ACSL1: variants seen among roughly 807,000 people sequenced by gnomAD.
The protein encoded by ACSL1 is acyl-CoA synthetase long chain family member 1, also known as long-chain-fatty-acid--CoA ligase 1.
ACSL1 carries 41 observed loss-of-function variants against 98.4 expected under a neutral mutation model. The observed-to-expected ratio is 0.42, with a 90% CI of 0.32 to 0.54. The LOEUF (loss-of-function observed/expected upper bound fraction) is 0.54, where lower values mean the gene tolerates loss of function less well. Among genes scored for constraint, ACSL1 ranks in the 20% least tolerant of loss-of-function variants. ACSL1 has a pLI of 0.13. For missense variants in ACSL1, 734 were observed against 883.1 expected, an observed-to-expected ratio of 0.83 and a Z score of 2.14; for synonymous variants, 316 against 322.7, an observed-to-expected ratio of 0.98 and a Z score of 0.22.
Position 184,756,467 on chromosome 4 carries a change from T to A in ACSL1, c.*658A>T, listed in dbSNP as rs1762133118. Reference sequence around the variant, plus strand: ...GAGCACCCATTTGCCAGAGGCTCCTTATCTGCATGGTTCTGAGTTGGATCT... The same window carrying A: ...GAGCACCCATTTGCCAGAGGCTCCTAATCTGCATGGTTCTGAGTTGGATCT... On this transcript the variant is annotated 3_prime_UTR_variant, in exon 21 of 21. Transcript: ENST00000281455. 6.6e-6 allele frequency: 1 copy of A among 152,644 alleles called. No homozygotes were observed. The highest frequency in any genetic ancestry group is 2.1e-4 in the South Asian group (1 of 4,826). The allele number at this position is 152,644 out of a possible 1,614,324, so 9.5% of individuals were successfully genotyped here. A position where few individuals can be genotyped will look rare whatever the true frequency, so the allele number is the denominator to read the frequency against.
intron 17 of ACSL1, among the ~76,000 whole-genome samples, chr4:184,761,661 C>A (rs1294068010): frequency 6.6e-6 from 1 of 152,186 alleles, no homozygotes; most frequent in African/African-American, 2.4e-5. Context: ...ACCTAAGAAA[C>A]ACATTTATTC....
chr4:184,811,487 C>T (rs964118863), intron 1 of ACSL1, among the ~76,000 whole-genome samples: 1 of 152,054 alleles, frequency 6.6e-6, no homozygotes, highest in Non-Finnish European at 1.5e-5. Flanking sequence ...GTAGTCTATA[C>T]AATGGAACAT....
chr4:184,781,229 C>CA (rs34392146), intron 4 of ACSL1, among the ~76,000 whole-genome samples: 4 of 70,102 alleles, frequency 5.7e-5, no homozygotes, highest in African/African-American at 1.2e-4. Flanking sequence ...GACTCCATCT[C>CA]AAAAAAAAAA....
At chr4:184,824,166 C>T (rs1312964558) in intron 1 of ACSL1, among the ~76,000 whole-genome samples, 2 of 152,140 alleles carry the variant, frequency 1.3e-5, no homozygotes, top group Non-Finnish European at 2.9e-5. Flanking sequence ...TGCTCTGTTG[C>T]CCAGTCTGGA....
At chr4:184,775,552 G>A (rs886205529) in intron 7 of ACSL1, among the ~76,000 whole-genome samples, 3 of 152,114 alleles carry the variant, frequency 2.0e-5, no homozygotes, top group East Asian at 3.9e-4. Flanking sequence ...CAGCACTTGC[G>A]GAATCACGTT....
chr4:184,800,649 G>T (rs965786114), intron 2 of ACSL1, among the ~76,000 whole-genome samples: 4 of 152,168 alleles, frequency 2.6e-5, no homozygotes, highest in East Asian at 1.9e-4. Flanking sequence ...TCCTTGGCAC[G>T]CAGGGCATCA....
intron 1 of ACSL1, among the ~76,000 whole-genome samples, chr4:184,815,635 C>T (rs1452034147): frequency 6.6e-6 from 1 of 152,126 alleles, no homozygotes; most frequent in Non-Finnish European, 1.5e-5. Flanking sequence ...GAGTTACTCA[C>T]ACCTCTTAAA....
At chr4:184,792,454 G>C (rs72695645) in intron 2 of ACSL1, among the ~76,000 whole-genome samples, 1 of 151,558 alleles carries the variant, frequency 6.6e-6, no homozygotes, top group Non-Finnish European at 1.5e-5. Context: ...TTTTTTTCCC[G>C]AAACAGGGGC....
At chr4:184,770,790 G>T (rs1264315850) in intron 10 of ACSL1, among the ~76,000 whole-genome samples, 1 of 152,028 alleles carries the variant, frequency 6.6e-6, no homozygotes, top group African/African-American at 2.4e-5. Flanking sequence ...GAGGAGAAAC[G>T]GCTTTTGCTT....
chr4:184,784,872 A>G (rs1766950180), intron 3 of ACSL1, among the ~76,000 whole-genome samples: 2 of 152,230 alleles, frequency 1.3e-5, no homozygotes, highest in South Asian at 4.1e-4. Flanking sequence ...GTCCTGATGA[A>G]AACAGGAAGA....
intron 1 of ACSL1, among the ~76,000 whole-genome samples, chr4:184,807,597 C>A (rs1771592013): frequency 6.6e-6 from 1 of 152,198 alleles, no homozygotes; most frequent in Non-Finnish European, 1.5e-5. Flanking sequence ...TAGACCTGGG[C>A]AGAGACAGGC....
intron 7 of ACSL1, among the ~76,000 whole-genome samples, chr4:184,774,259 A>G (rs1247973778): frequency 2.0e-5 from 3 of 152,126 alleles, no homozygotes; most frequent in African/African-American, 7.2e-5. Context: ...GATACTGCAG[A>G]TACTTCGTAG....
At chr4:184,797,200 G>A (rs1769560604) in intron 2 of ACSL1, among the ~76,000 whole-genome samples, 1 of 152,218 alleles carries the variant, frequency 6.6e-6, no homozygotes, top group African/African-American at 2.4e-5. Context: ...CCAGAAGGGT[G>A]TCTCGCCGCC....
chr4:184,795,607 T>C (rs1244290072), intron 2 of ACSL1, among the ~76,000 whole-genome samples: 1 of 152,220 alleles, frequency 6.6e-6, no homozygotes, highest in Non-Finnish European at 1.5e-5. Context: ...TCAGAAACTC[T>C]GCCTTCAGTT....
intron 7 of ACSL1, 137 bp from the exon 8 acceptor site, chr4:184,774,012 T>G: frequency 1.1e-6 from 1 of 915,448 alleles, no homozygotes; most frequent in Non-Finnish European, 1.7e-6. Context: ...AATTTTCTAA[T>G]TAAAGAAACT....
At chr4:184,809,060 T>A (rs957730961) in intron 1 of ACSL1, among the ~76,000 whole-genome samples, 6 of 152,218 alleles carry the variant, frequency 3.9e-5, no homozygotes, top group Non-Finnish European at 5.9e-5. Context: ...TAATAAATCT[T>A]AAACCCACTT....
intron 1 of ACSL1, chr4:184,815,051 T>C: frequency 2.2e-6 from 1 of 456,284 alleles, no homozygotes; most frequent in South Asian, 1.5e-5. Flanking sequence ...CAAACACACC[T>C]GCAAGAGTTA....
chr4:184,784,121 G>A (rs1304179003), intron 3 of ACSL1, 130 bp from the exon 4 acceptor site: 1 of 692,718 alleles, frequency 1.4e-6, no homozygotes, highest in Non-Finnish European at 2.4e-6. Context: ...ATAAGAAATG[G>A]TGGCTTCAGA....
intron 2 of ACSL1, among the ~76,000 whole-genome samples, chr4:184,792,710 A>C (rs1216529316): frequency 6.6e-6 from 1 of 152,188 alleles, no homozygotes; most frequent in Non-Finnish European, 1.5e-5. Context: ...AAGTATTGGG[A>C]TGACAGGTGT....
Sources: gnomAD v4.1 joint callset for allele counts (sites outside exome capture counted in the v4.1 genomes callset) on GRCh38, gnomAD v4.1.1 for gene constraint, MANE v1.5 for transcripts, NCBI Gene and HGNC (gene_info 2026-07-23, HGNC 2026-07-21) for gene names.